RNF175: variants seen among roughly 807,000 people sequenced by gnomAD.
RNF175 encodes ring finger protein 175.
RNF175 carries 38 observed loss-of-function variants against 50.0 expected under a neutral mutation model. The ratio of observed to expected loss-of-function variants is 0.76; its 90% confidence interval spans 0.59 to 1.00. The LOEUF (loss-of-function observed/expected upper bound fraction) is 1.00. Ranked by LOEUF, RNF175 falls within the 50% of genes least tolerant of loss-of-function variation. The pLI, the probability that RNF175 is intolerant of heterozygous loss-of-function variation, is 0.00. For missense variants in RNF175, 388 were observed against 409.6 expected, an observed-to-expected ratio of 0.95 and a Z score of 0.46; for synonymous variants, 155 against 146.1, an observed-to-expected ratio of 1.06 and a Z score of -0.44.
chr4:153,720,045 ACCAAAAGAGTT>A (rs1738232839), intron 6 of RNF175, 128 bp downstream of exon 6: 1 of 845,568 alleles, frequency 1.2e-6, no homozygotes, highest in Non-Finnish European at 1.7e-6. Flanking sequence ...GTCTAGGTGA[ACCAAAAGAGTT>A]CCAAAGGAAA....
At chr4:153,759,741 G>T (rs1049378487) in intron 1 of RNF175, 56 bp downstream of exon 1, 11 of 1,212,554 alleles carry the variant, frequency 9.1e-6, no homozygotes, top group Non-Finnish European at 1.2e-5. Context: ...CGGCACCAGC[G>T]TGAGCCCCGG....
intron 4 of RNF175, among the ~76,000 whole-genome samples, chr4:153,726,887 G>C (rs1415278046): frequency 3.3e-5 from 5 of 152,214 alleles, no homozygotes; most frequent in Non-Finnish European, 7.4e-5. Flanking sequence ...CAGGCAGGAA[G>C]AAGCTGAGAG....
At position 153,712,575 on chromosome 4, in the gene RNF175, A is replaced by G. The variant is rs781620641; in HGVS notation, c.766T>C (p.Phe256Leu). 7 of 1,606,008 alleles carry G rather than the reference A, an allele frequency of 4.4e-6. No homozygotes were observed. The highest frequency in any genetic ancestry group is 6.0e-6 in the Non-Finnish European group (7 of 1,173,280). Reference protein sequence around the residue: ...NTYQLSCNHVFHEFCIRGWCI... With the variant: ...NTYQLSCNHVLHEFCIRGWCI... ...CAACCTCGGATGCAGAATTCATGAA[A>G]GCTGAAGCATCTTGTTAGGGAGGCT... is the stretch of plus-strand genomic sequence containing the variant. The change falls in exon 8 of 9, where the codon TTT (phenylalanine) becomes CTT (leucine). Residue 256 changes from phenylalanine to leucine, a missense_variant and splice_region_variant. Physicochemically the swap from Phe to Leu is conservative, Grantham distance 22. Transcript: ENST00000347063.
Position 153,712,585 on chromosome 4 carries a change from T to G in RNF175, c.765-9A>C, listed in dbSNP as rs1737662414. On this transcript the variant is annotated splice_polypyrimidine_tract_variant and intron_variant, in intron 7 of 8. Coordinates refer to ENST00000347063, the MANE Select transcript of RNF175 (RefSeq NM_173662.4). ...TGCAGAATTCATGAAAGCTGAAGCA[T>G]CTTGTTAGGGAGGCTTCTAGATATG... 3 of 1,585,408 alleles carry G rather than the reference T, an allele frequency of 1.9e-6. No homozygotes were observed. The African/African-American group carries it at 4.0e-5, about 21-fold the overall frequency.
rs374840860 is a variant in RNF175, at chr4:153,728,307, A to G, written c.301T>C (p.Tyr101His). ...VVPLYFTIKL[Y>H]WWRFLSMWGM... is the part of the protein sequence containing the mutation. ...CACATAGACAGAAACCGCCACCAGT[A>G]TAATTTTATCGTGAAATATAAGGGG... The change falls in exon 4 of 9, where the codon TAC (tyrosine) becomes CAC (histidine). Residue 101 changes from tyrosine to histidine, a missense_variant. Tyr to His is a moderately conservative substitution (Grantham distance 83, BLOSUM62 2). Coordinates refer to ENST00000347063, the MANE Select transcript of RNF175 (RefSeq NM_173662.4). The G allele has an allele frequency of 7.4e-6, 12 of 1,613,556 alleles. No individual in the cohort carries two copies. The highest frequency in any genetic ancestry group is 1.7e-5 in the Admixed American group (1 of 60,014).
chr4:153,740,928 A>C (rs987427158), intron 3 of RNF175, among the ~76,000 whole-genome samples: 2 of 152,212 alleles, frequency 1.3e-5, no homozygotes, highest in Non-Finnish European at 2.9e-5. Context: ...CAAAGCCTTC[A>C]ATTTCCACTA....
chr4:153,712,845 T>G (rs1206411032), intron 7 of RNF175, among the ~76,000 whole-genome samples: 1 of 150,536 alleles, frequency 6.6e-6, no homozygotes, highest in Admixed American at 6.6e-5. Context: ...AGATAAAGAA[T>G]ATGAGTCCTT....
intron 5 of RNF175, chr4:153,720,582 T>C: frequency 3.0e-6 from 1 of 336,180 alleles, no homozygotes; most frequent in Non-Finnish European, 5.7e-6. Context: ...CTCTGACCAG[T>C]GGTTTCAGGC....
At chr4:153,723,569 T>C in intron 4 of RNF175, 111 bp from the exon 5 acceptor site, 1 of 614,154 alleles carries the variant, frequency 1.6e-6, no homozygotes, top group South Asian at 1.9e-5. Flanking sequence ...TATAAATCAG[T>C]TTTTAGTTTC....
chr4:153,712,003 C>T (rs911998788), intron 8 of RNF175, among the ~76,000 whole-genome samples: 1 of 152,152 alleles, frequency 6.6e-6, no homozygotes, highest in Non-Finnish European at 1.5e-5. Flanking sequence ...AATACCTACT[C>T]ATTTCTGGGA....
intron 3 of RNF175, among the ~76,000 whole-genome samples, chr4:153,741,775 G>A (rs1055331918): frequency 1.3e-5 from 2 of 152,206 alleles, no homozygotes; most frequent in African/African-American, 2.4e-5. Context: ...AGGAAACAAA[G>A]GCTCCTTGTG....
chr4:153,724,633 A>G (rs999752110), intron 4 of RNF175, among the ~76,000 whole-genome samples: 9 of 152,054 alleles, frequency 5.9e-5, no homozygotes, highest in African/African-American at 2.2e-4. Flanking sequence ...GAGCCATTGC[A>G]CCAAATACTT....
intron 5 of RNF175, among the ~76,000 whole-genome samples, chr4:153,722,353 C>A (rs1176054141): frequency 1.3e-5 from 2 of 152,182 alleles, no homozygotes; most frequent in African/African-American, 4.8e-5. Flanking sequence ...TGTTTTATGC[C>A]TTTACTTGTC....
At position 153,750,981 on chromosome 4, in the gene RNF175, G is replaced by T. The variant is rs117226065; in HGVS notation, c.104+457C>A. ...GAAGTACTTTGAAAAGTATATATTG[G>T]TGTACAAATGTAGTAAGTATTTTCC... On this transcript the variant is annotated intron_variant, in intron 2 of 8. Transcript: ENST00000347063. Among the ~76,000 whole-genome samples, 316 of 152,174 alleles carry T rather than the reference G, an allele frequency of 2.1e-3. 4 individuals carry two copies. In the East Asian group the frequency reaches 0.035, roughly 17 times the overall value.
intron 1 of RNF175, among the ~76,000 whole-genome samples, chr4:153,752,593 A>G (rs1376923875): frequency 6.6e-6 from 1 of 152,248 alleles, no homozygotes; most frequent in African/African-American, 2.4e-5. Flanking sequence ...AGAAGAAAAC[A>G]TGGGTAAACA....
intron 7 of RNF175, 139 bp from the exon 8 acceptor site, chr4:153,712,715 G>C (rs1737674040): frequency 1.1e-5 from 7 of 646,760 alleles, no homozygotes; most frequent in African/African-American, 1.8e-5. Flanking sequence ...GGGAGGTTCT[G>C]TAAGGGACCT....
intron 1 of RNF175, among the ~76,000 whole-genome samples, chr4:153,756,233 C>T (rs1740556178): frequency 1.3e-5 from 2 of 152,152 alleles, no homozygotes; most frequent in African/African-American, 4.8e-5. Flanking sequence ...TGTTCCAGCA[C>T]CACATTTCTA....
intron 3 of RNF175, among the ~76,000 whole-genome samples, chr4:153,746,619 C>T (rs1321139998): frequency 6.6e-6 from 1 of 152,198 alleles, no homozygotes; most frequent in Non-Finnish European, 1.5e-5. Flanking sequence ...GCTGCATGCC[C>T]ATAGCTCTCC....
At chr4:153,720,035 G>A in intron 6 of RNF175, 149 bp downstream of exon 6, 2 of 716,442 alleles carry the variant, frequency 2.8e-6, no homozygotes, top group Non-Finnish European at 4.4e-6. Context: ...GGAGCAATTG[G>A]TCTAGGTGAA....
Sources: allele counts gnomAD v4.1 joint callset (sites outside exome capture counted in the v4.1 genomes callset), GRCh38; gene constraint gnomAD v4.1.1; transcripts MANE v1.5; gene names NCBI Gene and HGNC (gene_info 2026-07-23, HGNC 2026-07-21).